Variants in AGMO observed in about 807,000 individuals in gnomAD.
The protein encoded by AGMO is alkylglycerol monooxygenase, also known as glyceryl-ether monooxygenase.
In AGMO, 75 loss-of-function variants were observed where a neutral mutation model predicts 60.2. That is an observed-to-expected ratio of 1.25 (90% CI 1.03 to 1.51). The LOEUF (loss-of-function observed/expected upper bound fraction) is 1.51, where lower values mean the gene tolerates loss of function less well. Among genes scored for constraint, AGMO ranks in the 40% most tolerant of loss-of-function variants. The pLI is 0.00. For missense variants in AGMO, 763 were observed against 525.5 expected, an observed-to-expected ratio of 1.45 and a Z score of -4.42; for synonymous variants, 261 against 177.1, an observed-to-expected ratio of 1.47 and a Z score of -3.76.
intron 3 of AGMO, among the ~76,000 whole-genome samples, chr7:15,484,016 T>C (rs1302248079): frequency 1.3e-5 from 2 of 151,940 alleles, no homozygotes; most frequent in Non-Finnish European, 2.9e-5. Context: ...TTTGTGCACA[T>C]ACCTATTCAT....
intron 12 of AGMO, among the ~76,000 whole-genome samples, chr7:15,268,813 A>T (rs935506743): frequency 6.6e-6 from 1 of 151,958 alleles, no homozygotes; most frequent in Non-Finnish European, 1.5e-5. Context: ...GACAATGTAA[A>T]GATGAAATTA....
At chr7:15,331,397 G>C (rs1461936869) in intron 12 of AGMO, among the ~76,000 whole-genome samples, 1 of 152,068 alleles carries the variant, frequency 6.6e-6, no homozygotes, top group Non-Finnish European at 1.5e-5. Flanking sequence ...AATGTTGTGA[G>C]AATAAAATGA....
chr7:15,224,718 A>G (rs1165907634), intron 12 of AGMO, among the ~76,000 whole-genome samples: 2 of 152,010 alleles, frequency 1.3e-5, no homozygotes, highest in African/African-American at 4.8e-5. Flanking sequence ...AGCACCAACC[A>G]CTTTCCTTTC....
At chr7:15,406,843 T>C (rs1240410871) in intron 5 of AGMO, among the ~76,000 whole-genome samples, 1 of 116,416 alleles carries the variant, frequency 8.6e-6, no homozygotes, top group East Asian at 2.3e-4. Flanking sequence ...TATATGTATA[T>C]GTATATGTGA....
the AGMO span, among the ~76,000 whole-genome samples, chr7:15,134,220 T>C: frequency 3.9e-5 from 6 of 152,242 alleles, no homozygotes; most frequent in East Asian, 1.2e-3. Flanking sequence ...TGGAGTACAG[T>C]GGCATGATTT....
intron 12 of AGMO, chr7:15,358,293 T>TTC (rs1278577330): frequency 2.6e-6 from 1 of 388,182 alleles, no homozygotes; most frequent in Non-Finnish European, 5.3e-6. Context: ...GAGTATTGGT[T>TTC]TCTTCTGCAC....
At chr7:15,120,763 C>CT in the AGMO span, among the ~76,000 whole-genome samples, 3 of 137,748 alleles carry the variant, frequency 2.2e-5, no homozygotes, top group East Asian at 5.0e-4. Flanking sequence ...TTCTTTCTTT[C>CT]TTTTTTTTCT....
chr7:15,391,895 A>ACCGAACATCCT (rs1481089638), intron 6 of AGMO, among the ~76,000 whole-genome samples: 2 of 152,078 alleles, frequency 1.3e-5, no homozygotes, highest in Non-Finnish European at 2.9e-5. Context: ...CCCACAGTGC[A>ACCGAACATCCT]CCGAACATCC....
chr7:15,452,031 T>G (rs1781868304), intron 3 of AGMO, among the ~76,000 whole-genome samples: 1 of 152,192 alleles, frequency 6.6e-6, no homozygotes, highest in Non-Finnish European at 1.5e-5. Flanking sequence ...GTCTACCTAT[T>G]AAGCTAGGTT....
At chr7:15,132,675 C>T in the AGMO span, among the ~76,000 whole-genome samples, 3 of 152,090 alleles carry the variant, frequency 2.0e-5, no homozygotes, top group Non-Finnish European at 2.9e-5. Context: ...GGAAAGTGAT[C>T]GTGGCTGAAG....
At chr7:15,380,134 T>C (rs967933719) in intron 10 of AGMO, among the ~76,000 whole-genome samples, 1 of 152,054 alleles carries the variant, frequency 6.6e-6, no homozygotes, top group East Asian at 1.9e-4. Flanking sequence ...ACCACTCCTA[T>C]TCAACATAGT....
At chr7:15,273,409 G>T (rs1783677839) in intron 12 of AGMO, among the ~76,000 whole-genome samples, 1 of 152,046 alleles carries the variant, frequency 6.6e-6, no homozygotes, top group African/African-American at 2.4e-5. Flanking sequence ...TCTTGTTTTT[G>T]TCAGGTTTGT....
chr7:15,394,711 T>A (rs1240563936), intron 5 of AGMO, among the ~76,000 whole-genome samples: 1 of 152,140 alleles, frequency 6.6e-6, no homozygotes, highest in African/African-American at 2.4e-5. Context: ...CCCGGAGTTG[T>A]TTCACCCTGT....
intron 12 of AGMO, among the ~76,000 whole-genome samples, chr7:15,355,872 A>G (rs1467013746): frequency 6.6e-6 from 1 of 152,210 alleles, no homozygotes; most frequent in Non-Finnish European, 1.5e-5. Context: ...AAGGACTGAT[A>G]TTATAATCAT....
chr7:15,237,986 C>A (rs968261199), intron 12 of AGMO, among the ~76,000 whole-genome samples: 1 of 152,082 alleles, frequency 6.6e-6, no homozygotes, highest in African/African-American at 2.4e-5. Context: ...AGAAGCCTAA[C>A]TTTGATTAGT....
intron 12 of AGMO, among the ~76,000 whole-genome samples, chr7:15,255,368 G>C (rs1783065107): frequency 6.6e-6 from 1 of 152,020 alleles, no homozygotes; most frequent in African/African-American, 2.4e-5. Flanking sequence ...AATAAAAAAA[G>C]TTTTTAAAGA....
intron 3 of AGMO, among the ~76,000 whole-genome samples, chr7:15,544,185 A>G (rs986584020): frequency 2.6e-5 from 4 of 151,740 alleles, no homozygotes; most frequent in Non-Finnish European, 5.9e-5. Flanking sequence ...ACACAAAGGC[A>G]TAAGAATGAT....
intron 12 of AGMO, among the ~76,000 whole-genome samples, chr7:15,336,802 G>A (rs1377699020): frequency 6.6e-6 from 1 of 152,108 alleles, no homozygotes; most frequent in Admixed American, 6.6e-5. Flanking sequence ...CATTTATTAA[G>A]TAATTACTTA....
intron 12 of AGMO, among the ~76,000 whole-genome samples, chr7:15,343,569 A>G (rs940845022): frequency 6.6e-6 from 1 of 152,166 alleles, no homozygotes; most frequent in Non-Finnish European, 1.5e-5. Context: ...ATAGAAATAT[A>G]ATTTGAAAGA....
Sources: gnomAD v4.1 joint callset for allele counts (sites outside exome capture counted in the v4.1 genomes callset) on GRCh38, gnomAD v4.1.1 for gene constraint, MANE v1.5 for transcripts, NCBI Gene and HGNC (gene_info 2026-07-23, HGNC 2026-07-21) for gene names.